TOP3B: variants seen among roughly 807,000 people sequenced by gnomAD.
TOP3B encodes DNA topoisomerase III beta, also known as DNA topoisomerase 3-beta-1.
TOP3B carries 45 observed loss-of-function variants against 93.9 expected under a neutral mutation model. The ratio of observed to expected loss-of-function variants is 0.48; its 90% confidence interval spans 0.38 to 0.61. The LOEUF is 0.61. Ranked by LOEUF, TOP3B falls within the 20% of genes least tolerant of loss-of-function variation. The pLI is 0.00. For missense variants in TOP3B, 750 were observed against 1,156.1 expected, an observed-to-expected ratio of 0.65 and a Z score of 5.09; for synonymous variants, 357 against 472.6, an observed-to-expected ratio of 0.76 and a Z score of 3.17.
In TOP3B at chr22:21,959,629, C is replaced by T. The variant is rs949722514; in HGVS notation, c.1762G>A (p.Val588Met). 11 of 1,613,636 alleles carry T rather than the reference C, an allele frequency of 6.8e-6. No individual in the cohort carries two copies. The highest frequency in any genetic ancestry group is 1.3e-5 in the African/African-American group (1 of 74,924). ...AAGTAGTGGAACTTCCTCTTGAACA[C>T]GTCCAGGGTGTGGCCCAGGACCTGG... is the stretch of plus-strand genomic sequence containing the variant. Reference protein sequence around the residue: ...YRQVLGHTLDVFKRKFHYFVD... With the variant: ...YRQVLGHTLDMFKRKFHYFVD... The change falls in exon 15 of 18, where the codon GTG becomes ATG. Residue 588 changes from valine (V) to methionine (M), a missense_variant. Val to Met is a conservative substitution (Grantham distance 21). Transcript: ENST00000357179.
intron 17 of TOP3B, chr22:21,958,005 T>C (rs1389580991): frequency 7.5e-7 from 1 of 1,334,848 alleles, no homozygotes; most frequent in Non-Finnish European, 9.8e-7. Flanking sequence ...GACTGAGGCC[T>C]GAGGGAGCTT....
At position 21,968,917 on chromosome 22, in the gene TOP3B, G is replaced by A. The variant is rs1389231334; in HGVS notation, c.582-142C>T. 1.1e-4 allele frequency: 93 copies of A among 812,876 alleles called. 1 individual carries two copies. The highest frequency in any genetic ancestry group is 4.0e-6 in the Non-Finnish European group (2 of 495,428). 50.4% of individuals were successfully genotyped at this position (812,876 alleles called of 1,614,324 possible). A position where few individuals can be genotyped will look rare whatever the true frequency, so the allele number is the denominator to read the frequency against. ...TGTCCCCACTTAGAAGCCAGTGGGA[G>A]CAGAGTGGGCATAGCCTTAGGGAGG... On this transcript the variant is annotated intron_variant, in intron 6 of 17. Transcript: ENST00000357179.
At chr22:21,973,277 C>T (rs980726552) in intron 3 of TOP3B, 10 of 159,208 alleles carry the variant, frequency 6.3e-5, no homozygotes, top group African/African-American at 2.2e-4. Flanking sequence ...TTTTAGGCCC[C>T]ATTTCTTTTT....
Position 21,962,163 on chromosome 22 carries a change from T to C in TOP3B, c.1525+266A>G, listed in dbSNP as rs1601818863. The C allele has an allele frequency of 5.0e-6, 7 of 1,397,370 alleles. No homozygotes were observed. The South Asian group carries it at 8.9e-5, about 18-fold the overall frequency. 86.6% of individuals were successfully genotyped at this position (1,397,370 alleles called of 1,614,324 possible). ...GGCCAATCTTCAGCCTTGTGGGCGT[T>C]AGTCGGTGTGTGCACACCCCACAGT... On this transcript the variant is annotated intron_variant, in intron 13 of 17. Transcript: ENST00000357179.
At chr22:21,980,353 AG>A (rs1414396823) in intron 1 of TOP3B, among the ~76,000 whole-genome samples, 1 of 152,110 alleles carries the variant, frequency 6.6e-6, no homozygotes, top group African/African-American at 2.4e-5. Flanking sequence ...AAAATAAAGG[AG>A]GGTTGTAAAG....
intron 7 of TOP3B, 68 bp from the exon 8 acceptor site, chr22:21,967,784 A>G: frequency 1.6e-6 from 2 of 1,237,760 alleles, no homozygotes; most frequent in South Asian, 2.4e-5. Flanking sequence ...CGCCAGGAAG[A>G]ACCAGGACAG....
chr22:21,972,542 G>A (rs1601851422), intron 4 of TOP3B, 70 bp downstream of exon 4: 1 of 1,215,708 alleles, frequency 8.2e-7, no homozygotes, highest in Non-Finnish European at 1.2e-6. Flanking sequence ...AAGCAAGGGT[G>A]GGCAAAGACA....
chr22:21,966,797 AG>A (rs1428327044), intron 8 of TOP3B: 2 of 152,356 alleles, frequency 1.3e-5, no homozygotes, highest in African/African-American at 4.8e-5. Flanking sequence ...GTGCTAACAG[AG>A]GCCAGTTGTT....
chr22:21,958,877 CT>C lies in TOP3B; in HGVS notation c.1906-185del, dbSNP rs1014238716. 8.8e-6 allele frequency: 10 copies of C among 1,141,436 alleles called. No homozygotes were observed. The African/African-American group carries it at 1.6e-4, about 18-fold the overall frequency. 70.7% of individuals were successfully genotyped at this position (1,141,436 alleles called of 1,614,324 possible). A position where few individuals can be genotyped will look rare whatever the true frequency, so the allele number is the denominator to read the frequency against. ...TGCAGAAAAGGCAGTTCTAAAATCT[CT>C]GTGTGTACATTAATGCCCATGATGG... On this transcript the variant is annotated intron_variant, in intron 16 of 17. Transcript: ENST00000357179.
intron 1 of TOP3B, among the ~76,000 whole-genome samples, chr22:21,981,324 G>A (rs1261696993): frequency 1.3e-5 from 2 of 152,262 alleles, no homozygotes; most frequent in East Asian, 3.9e-4. Flanking sequence ...GCTGGACTTG[G>A]TTGTTCTAGA....
At position 21,970,596 on chromosome 22, in the gene TOP3B, G is replaced by T; in HGVS notation, c.385-190C>A. On this transcript the variant is annotated intron_variant, in intron 5 of 17. Coordinates refer to ENST00000357179, the MANE Select transcript of TOP3B (RefSeq NM_001282112.2). This position sits in a 1 kb window ranked among gnomAD's most constrained non-coding sequence, Gnocchi z 4.4. ...CCTCCTCTATCCCCCTGCCTTTCCA[G>T]AAGCCCTGAGCACTCCACAACACCC... 4 of 626,736 alleles carry T rather than the reference G, an allele frequency of 6.4e-6. No individual in the cohort carries two copies. The highest frequency in any genetic ancestry group is 1.1e-5 in the Non-Finnish European group (4 of 360,426). The allele number at this position is 626,736 out of a possible 1,614,324, so 38.8% of individuals were successfully genotyped here. A position where few individuals can be genotyped will look rare whatever the true frequency, so the allele number is the denominator to read the frequency against.
At chr22:21,967,355 C>A (rs1354802412) in intron 8 of TOP3B, 5 of 468,444 alleles carry the variant, frequency 1.1e-5, no homozygotes, top group Non-Finnish European at 1.9e-5. Flanking sequence ...AGGGGTCCGA[C>A]AAGGTCACAG....
intron 9 of TOP3B, 24 bp downstream of exon 9, chr22:21,965,261 C>A: frequency 6.4e-7 from 1 of 1,555,510 alleles, no homozygotes; most frequent in Non-Finnish European, 8.7e-7. Flanking sequence ...CTTCTGGTGA[C>A]TTGAGAGAAA....
At chr22:21,981,831 G>A (rs910154529) in intron 1 of TOP3B, among the ~76,000 whole-genome samples, 1 of 151,896 alleles carries the variant, frequency 6.6e-6, no homozygotes, top group African/African-American at 2.4e-5. Context: ...AAGCAGATGT[G>A]GCCTGGGAGT....
rs557147160 is a variant in TOP3B, at chr22:21,964,147, C to G, written c.1098+14G>C. On this transcript the variant is annotated intron_variant, in intron 10 of 17. Coordinates refer to ENST00000357179, the MANE Select transcript of TOP3B (RefSeq NM_001282112.2). The stretch of plus-strand genomic sequence containing the variant: ...GACACACACACATGCTGAGGCCGGC[C>G]CGGCTCCACTCACCGTGTCGGCCCA... The G allele has an allele frequency of 5.0e-6, 8 of 1,613,952 alleles. No homozygotes were observed. The African/African-American group carries it at 8.0e-5, about 16-fold the overall frequency.
intron 9 of TOP3B, 97 bp downstream of exon 9, chr22:21,965,188 C>T: frequency 1.3e-6 from 1 of 781,852 alleles, no homozygotes; most frequent in South Asian, 2.2e-5. Flanking sequence ...CCCCTTGAAG[C>T]CTTGGGCACC....
chr22:21,967,564 C>T, intron 8 of TOP3B, 39 bp downstream of exon 8: 2 of 1,576,468 alleles, frequency 1.3e-6, no homozygotes, highest in South Asian at 1.1e-5. Context: ...CCACCCTCAC[C>T]CAAGGCAACT....
At chr22:21,982,470 G>A (rs970397318) in intron 1 of TOP3B, 16 of 152,350 alleles carry the variant, frequency 1.1e-4, no homozygotes, top group African/African-American at 3.8e-4. Flanking sequence ...GTTCGAAGAA[G>A]AAAAGTATTA....
At position 21,974,838 on chromosome 22, in the gene TOP3B, C is replaced by T. The variant is rs1354842179; in HGVS notation, c.71-350G>A. The stretch of plus-strand genomic sequence containing the variant: ...AAACGTTATTCATCGTTTACTAAAA[C>T]AGACTCCAGATCTACTCTCGGTTAC... On this transcript the variant is annotated intron_variant, in intron 2 of 17. Transcript: ENST00000357179. 4 of 178,726 alleles carry T rather than the reference C, an allele frequency of 2.2e-5. No individual in the cohort carries two copies. In the South Asian group the frequency reaches 4.8e-4, roughly 22 times the overall value. 11.1% of individuals were successfully genotyped at this position (178,726 alleles called of 1,614,324 possible). A position where few individuals can be genotyped will look rare whatever the true frequency, so the allele number is the denominator to read the frequency against.
Sources: gnomAD v4.1 joint callset for allele counts (sites outside exome capture counted in the v4.1 genomes callset) on GRCh38, gnomAD v4.1.1 for gene constraint, Gnocchi (gnomAD v3.1) non-coding constraint, MANE v1.5 for transcripts, NCBI Gene and HGNC (gene_info 2026-07-23, HGNC 2026-07-21) for gene names.